EIF4ENIF1: variants seen among roughly 807,000 people sequenced by gnomAD.
EIF4ENIF1 encodes the protein eukaryotic translation initiation factor 4E nuclear import factor 1, also known as eukaryotic translation initiation factor 4E transporter.
A neutral mutation model predicts 110.5 loss-of-function variants in EIF4ENIF1; 23 were observed. That is an observed-to-expected ratio of 0.21 (90% CI 0.15 to 0.29). The LOEUF (loss-of-function observed/expected upper bound fraction) is 0.29. Among genes scored for constraint, EIF4ENIF1 ranks in the 10% least tolerant of loss-of-function variants. The pLI is 1.00. For missense variants in EIF4ENIF1, 1,031 were observed against 1,221.1 expected (o/e 0.84, Z 2.32); for synonymous variants, 440 against 437.0 (o/e 1.01, Z -0.09).
At chr22:31,463,537 C>T in intron 5 of EIF4ENIF1, 144 bp downstream of exon 5, 2 of 803,872 alleles carry the variant, frequency 2.5e-6, no homozygotes, top group Non-Finnish European at 3.8e-6. Context: ...AAAAAGTTAG[C>T]CGGGTATGGT....
chr22:31,456,249 A>T lies in EIF4ENIF1; in HGVS notation c.964-262T>A, dbSNP rs186765829. ...TTTTTTTTTTTTTTTTTTGAGACAG[A>T]GTCTCGCTCTGTCACCCAGGCTGGA... On this transcript the variant is annotated intron_variant, in intron 7 of 18. Transcript: ENST00000330125. 4.9e-3 allele frequency among the ~76,000 whole-genome samples: 691 copies of T among 140,360 alleles called. 5 individuals carry two copies. Among genetic ancestry groups the T allele is most frequent in the Non-Finnish European group, 6.8e-3 (446 of 65,790 alleles). 92.1% of individuals were successfully genotyped at this position (140,360 alleles called of 152,430 possible). A position where few individuals can be genotyped will look rare whatever the true frequency, so the allele number is the denominator to read the frequency against.
intron 2 of EIF4ENIF1, among the ~76,000 whole-genome samples, chr22:31,473,271 G>C (rs889056688): frequency 1.3e-5 from 2 of 152,154 alleles, no homozygotes; most frequent in African/African-American, 4.8e-5. Flanking sequence ...ATGCACAGGA[G>C]AGAGGCTAAT....
At chr22:31,473,642 C>G (rs1362744552) in intron 2 of EIF4ENIF1, among the ~76,000 whole-genome samples, 1 of 152,116 alleles carries the variant, frequency 6.6e-6, no homozygotes, top group Non-Finnish European at 1.5e-5. Context: ...TAGACTGAGC[C>G]TAAATATCCA....
chr22:31,452,087 T>C (rs2050692390), intron 10 of EIF4ENIF1, among the ~76,000 whole-genome samples: 1 of 152,230 alleles, frequency 6.6e-6, no homozygotes, highest in South Asian at 2.1e-4. Flanking sequence ...GCATGGCTTA[T>C]TATACTTGGA....
chr22:31,447,969 T>C (rs1215655009), intron 13 of EIF4ENIF1, among the ~76,000 whole-genome samples, 184 bp downstream of exon 13: 1 of 152,122 alleles, frequency 6.6e-6, no homozygotes, highest in Admixed American at 6.5e-5. Flanking sequence ...TTTTTTAAAT[T>C]TACTTTTGGG....
At chr22:31,458,742 C>A (rs1010837695) in intron 6 of EIF4ENIF1, 92 bp from the exon 7 acceptor site, 30 of 1,177,712 alleles carry the variant, frequency 2.5e-5, no homozygotes, top group Non-Finnish European at 3.4e-5. Context: ...TGTAGAAGAG[C>A]CACACATGAC....
intron 2 of EIF4ENIF1, among the ~76,000 whole-genome samples, chr22:31,481,728 A>T (rs1047163174): frequency 6.6e-6 from 1 of 152,106 alleles, no homozygotes; most frequent in African/African-American, 2.4e-5. Flanking sequence ...CATTTTCCTG[A>T]TTGTTTTAAA....
chr22:31,462,885 C>T (rs1276378617), intron 6 of EIF4ENIF1, 47 bp downstream of exon 6: 3 of 1,594,722 alleles, frequency 1.9e-6, no homozygotes, highest in South Asian at 2.2e-5. Flanking sequence ...GCCCAGCCTA[C>T]ATCTCATTTT....
At chr22:31,463,155 G>C in intron 5 of EIF4ENIF1, 22 bp from the exon 6 acceptor site, 1 of 1,606,238 alleles carries the variant, frequency 6.2e-7, no homozygotes, top group Non-Finnish European at 8.5e-7. Context: ...CATAAAGCAA[G>C]ATTAAAAAAT....
chr22:31,458,641 T>A lies in EIF4ENIF1; in HGVS notation c.797A>T (p.Glu266Val). 6.3e-7 allele frequency: 1 copy of A among 1,596,578 alleles called. No individual in the cohort carries two copies. Among genetic ancestry groups the A allele is most frequent in the Non-Finnish European group, 8.5e-7 (1 of 1,170,486 alleles). The change falls in exon 7 of 19, where the codon GAG becomes GTG. Residue 266 changes from glutamate (E) to valine (V), a missense_variant. Physicochemically the swap from Glu to Val is moderately radical, Grantham distance 121 (BLOSUM62 -2). Transcript: ENST00000330125. ...RTASVKEGIV[E>V]CNGGVAEEDE... The stretch of plus-strand genomic sequence containing the variant: ...CTCTTCGGCCACTCCTCCATTGCAC[T>A]CTACTATACCTGAAAGCAAAACCAG...
chr22:31,466,265 T>C (rs888129786), intron 4 of EIF4ENIF1, among the ~76,000 whole-genome samples: 3 of 151,972 alleles, frequency 2.0e-5, no homozygotes, highest in African/African-American at 4.8e-5. Context: ...ATACAAAAAT[T>C]AGCCAGGCAT....
chr22:31,464,691 AAAAAAAAAAT>A lies in EIF4ENIF1; in HGVS notation c.299-734_299-725del, dbSNP rs1165296184. Among the ~76,000 whole-genome samples the A allele has an allele frequency of 1.3e-3, 65 of 49,746 alleles. 1 individual carries two copies. The highest frequency in any genetic ancestry group is 5.2e-3 in the East Asian group (12 of 2,286). The allele number at this position is 49,746 out of a possible 152,430, so 32.6% of individuals were successfully genotyped here. On this transcript the variant is annotated intron_variant, in intron 4 of 18. Transcript: ENST00000330125. ...ATTCAGTCTCAAAAAAAAAAAAAAA[AAAAAAAAAAT>A]ATATATATATATATATATATATATA...
intron 2 of EIF4ENIF1, among the ~76,000 whole-genome samples, chr22:31,475,598 A>G (rs994847466): frequency 6.6e-6 from 1 of 152,072 alleles, no homozygotes; most frequent in Non-Finnish European, 1.5e-5. Context: ...CTAAAAATAT[A>G]AAACTTAGCC....
At chr22:31,482,656 T>C (rs2051861296) in intron 2 of EIF4ENIF1, among the ~76,000 whole-genome samples, 1 of 151,344 alleles carries the variant, frequency 6.6e-6, no homozygotes, top group Admixed American at 6.6e-5. Flanking sequence ...CACTCCAGCC[T>C]GGGTGACAGA....
intron 6 of EIF4ENIF1, among the ~76,000 whole-genome samples, chr22:31,459,149 A>AGCCTGC (rs2050916853): frequency 6.6e-6 from 1 of 152,006 alleles, no homozygotes; most frequent in Non-Finnish European, 1.5e-5. Flanking sequence ...CCTGGACTTA[A>AGCCTGC]ACTGCTGACC....
At chr22:31,472,867 C>T (rs1363976161) in intron 2 of EIF4ENIF1, among the ~76,000 whole-genome samples, 2 of 152,058 alleles carry the variant, frequency 1.3e-5, no homozygotes, top group Non-Finnish European at 2.9e-5. Flanking sequence ...ATATACAATA[C>T]ACTTGTTAAC....
intron 2 of EIF4ENIF1, among the ~76,000 whole-genome samples, chr22:31,476,980 C>CAAAAAA (rs574308270): frequency 2.0e-5 from 1 of 51,114 alleles, no homozygotes; most frequent in Non-Finnish European, 4.3e-5. Context: ...GACCCTGTCT[C>CAAAAAA]AAAAAAAAAA....
At position 31,455,912 on chromosome 22, in the gene EIF4ENIF1, A is replaced by G; in HGVS notation, c.1039T>C (p.Ser347Pro). The G allele has an allele frequency of 6.2e-7, 1 of 1,614,174 alleles. No homozygotes were observed. Among genetic ancestry groups the G allele is most frequent in the East Asian group, 2.2e-5 (1 of 44,884 alleles). ...CCAAGACTGCTGGATCGGCTTCCTGATCTGCTCGGGTTAGAGAACCACCTA... is the reference window on the plus strand; with the variant it reads ...CCAAGACTGCTGGATCGGCTTCCTGGTCTGCTCGGGTTAGAGAACCACCTA... ...FSRWFSNPSR[S>P]GSRSSSLGST... is the part of the protein sequence containing the mutation. The change falls in exon 8 of 19, where the codon TCA (serine) becomes CCA (proline). Residue 347 changes from serine (S) to proline (P), a missense_variant. Ser to Pro is a moderately conservative substitution (Grantham distance 74). Transcript: ENST00000330125.
chr22:31,441,806 T>G lies in EIF4ENIF1; in HGVS notation c.2519A>C (p.His840Pro), dbSNP rs898556813. 6.2e-7 allele frequency: 1 copy of G among 1,613,574 alleles called. No individual in the cohort carries two copies. ...GAGCAAACTTGGAAGATGCTGTGGA[T>G]GTACTCCCTGGGCCAGCATCCTCTG... ...LVQRMLAQGV[H>P]PQHLPSLLQT... The change falls in exon 17 of 19, where the codon CAT (histidine) becomes CCT (proline). Residue 840 changes from histidine to proline, a missense_variant. By Grantham distance (77) the His-to-Pro change is moderately conservative. This residue lies in a region of EIF4ENIF1 where 309 missense variants were observed against 299.1 expected (regional missense o/e 1.03). Coordinates refer to ENST00000330125, the MANE Select transcript of EIF4ENIF1 (RefSeq NM_019843.4).
Sources: allele counts gnomAD v4.1 joint callset (sites outside exome capture counted in the v4.1 genomes callset), GRCh38; gene constraint gnomAD v4.1.1; regional missense constraint gnomAD v4.1.1; transcripts MANE v1.5; gene names NCBI Gene and HGNC (gene_info 2026-07-23, HGNC 2026-07-21).